Variants in PLEKHM2 observed in about 807,000 individuals in gnomAD.
PLEKHM2 encodes the protein pleckstrin homology domain-containing family M member 2.
In PLEKHM2, 77 loss-of-function variants were observed where a neutral mutation model predicts 116.3. That is an observed-to-expected ratio of 0.66 (90% CI 0.55 to 0.80). The LOEUF is 0.80. Ranked by LOEUF, PLEKHM2 falls within the 30% of genes least tolerant of loss-of-function variation. The probability of loss-of-function intolerance (pLI) is 0.00; values close to 1 mark genes in which losing one functional copy is unlikely to be tolerated. For synonymous variants in PLEKHM2, 562 were observed against 571.0 expected, an observed-to-expected ratio of 0.98 and a Z score of 0.22; for missense variants, 1,183 against 1,354.9, an observed-to-expected ratio of 0.87 and a Z score of 1.99.
chr1:15,728,181 A>G lies in PLEKHM2; in HGVS notation c.1830+33A>G. On this transcript the variant is annotated intron_variant, in intron 10 of 19. Coordinates refer to ENST00000375799, the MANE Select transcript of PLEKHM2 (RefSeq NM_015164.4). The surrounding 1 kb of genome is among the most constrained non-coding windows in gnomAD (Gnocchi z 5.9). Reference sequence around the variant, plus strand: ...CTAGGAACTCAGGAGTGAGCAAGAGACGGCAAGGGCAAGGCGGGATGGGCC... The same window carrying G: ...CTAGGAACTCAGGAGTGAGCAAGAGGCGGCAAGGGCAAGGCGGGATGGGCC... 1 of 1,607,444 alleles carries G rather than the reference A, an allele frequency of 6.2e-7. No homozygotes were observed.
intron 6 of PLEKHM2, chr1:15,720,452 C>T: frequency 1.0e-6 from 1 of 985,288 alleles, no homozygotes; most frequent in Non-Finnish European, 1.2e-6. Flanking sequence ...GGGATGGTCG[C>T]ACCCTTTGCA....
intron 1 of PLEKHM2, among the ~76,000 whole-genome samples, chr1:15,691,558 G>A (rs1012059119): frequency 9.2e-5 from 14 of 152,144 alleles, no homozygotes; most frequent in African/African-American, 2.4e-4. Flanking sequence ...CACCCACTTC[G>A]GTTTGGGCAG....
intron 3 of PLEKHM2, among the ~76,000 whole-genome samples, 158 bp downstream of exon 3, chr1:15,716,974 C>T (rs913254486): frequency 5.3e-5 from 8 of 152,308 alleles, no homozygotes; most frequent in African/African-American, 1.9e-4. Context: ...AGCACCAGGC[C>T]AGGCATGGTG....
chr1:15,696,962 C>T (rs1321187617), intron 1 of PLEKHM2, among the ~76,000 whole-genome samples: 1 of 152,162 alleles, frequency 6.6e-6, no homozygotes, highest in Non-Finnish European at 1.5e-5. Flanking sequence ...CCCAGGATCC[C>T]CCAGCCTAAC....
chr1:15,730,803 G>A (rs1039810573), intron 15 of PLEKHM2, 81 bp downstream of exon 15: 7 of 1,176,006 alleles, frequency 6.0e-6, no homozygotes, highest in South Asian at 1.5e-5. Context: ...GGATCTCTCC[G>A]CAGCAGGTCA....
At chr1:15,732,840 T>C in intron 19 of PLEKHM2, 112 bp downstream of exon 19, 6 of 719,856 alleles carry the variant, frequency 8.3e-6, no homozygotes, top group Non-Finnish European at 1.4e-5. Flanking sequence ...TCCAGGGTCC[T>C]GGGCACAGCC....
At chr1:15,713,916 G>A (rs1641388814) in intron 1 of PLEKHM2, among the ~76,000 whole-genome samples, 1 of 149,152 alleles carries the variant, frequency 6.7e-6, no homozygotes, top group Non-Finnish European at 1.5e-5. Flanking sequence ...GGGATTACAG[G>A]CGTGAGCCAC....
In PLEKHM2 at chr1:15,728,593, T is replaced by C; in HGVS notation, c.1922-76T>C. 2 of 1,308,120 alleles carry C rather than the reference T, an allele frequency of 1.5e-6. No homozygotes were observed. The highest frequency in any genetic ancestry group is 2.2e-6 in the Non-Finnish European group (2 of 923,368). 81.0% of individuals were successfully genotyped at this position (1,308,120 alleles called of 1,614,324 possible). On this transcript the variant is annotated intron_variant, in intron 11 of 19. Transcript: ENST00000375799. This position sits in a 1 kb window ranked among gnomAD's most constrained non-coding sequence, Gnocchi z 5.9. ...GGAGAGGCCCTCTAAGAGAGGGGGC[T>C]GTGTCTAAGAAAATGGGGCAGGGGG...
At chr1:15,720,577 AT>A (rs34045253) in intron 6 of PLEKHM2, 160,966 of 624,402 alleles carry the variant, frequency 0.26, 25,951 homozygotes, top group African/African-American at 0.65. Context: ...AAAACTGGCC[AT>A]TTTCCCCTCT....
intron 1 of PLEKHM2, among the ~76,000 whole-genome samples, chr1:15,713,892 C>T (rs944547907): frequency 2.6e-5 from 4 of 151,146 alleles, no homozygotes; most frequent in Non-Finnish European, 5.9e-5. Flanking sequence ...CCCACCTCGG[C>T]CTCCCAAAGC....
chr1:15,732,792 G>A, intron 19 of PLEKHM2, 64 bp downstream of exon 19: 1 of 1,100,662 alleles, frequency 9.1e-7, no homozygotes, highest in Non-Finnish European at 1.3e-6. Context: ...ACTCCCCGGG[G>A]AGAGGAACCC....
At chr1:15,707,418 G>A (rs1201810259) in intron 1 of PLEKHM2, among the ~76,000 whole-genome samples, 2 of 152,160 alleles carry the variant, frequency 1.3e-5, no homozygotes, top group Admixed American at 6.5e-5. Context: ...AGTGAGACCT[G>A]TTTCTAAAAA....
intron 1 of PLEKHM2, among the ~76,000 whole-genome samples, chr1:15,705,502 G>A (rs1437323568): frequency 1.3e-5 from 2 of 152,018 alleles, no homozygotes; most frequent in Non-Finnish European, 2.9e-5. Context: ...TGTCGGATAG[G>A]TGTTCTGAAC....
rs186632240 is a variant in PLEKHM2, at chr1:15,696,576, C to T, written c.60+11958C>T. On this transcript the variant is annotated intron_variant, in intron 1 of 19. Coordinates refer to ENST00000375799, the MANE Select transcript of PLEKHM2 (RefSeq NM_015164.4). ...ATATTGGTCAGGCTGGTCTCGAACT[C>T]CTGACCTCAGGTGATCCGCCCGCCT... 5.3e-5 allele frequency among the ~76,000 whole-genome samples: 8 copies of T among 152,210 alleles called. No homozygotes were observed. The East Asian group carries it at 1.6e-3, about 29-fold the overall frequency.
chr1:15,704,321 CCTTCCTTT>C (rs1183171677), intron 1 of PLEKHM2, among the ~76,000 whole-genome samples: 1 of 151,636 alleles, frequency 6.6e-6, no homozygotes, highest in Non-Finnish European at 1.5e-5. Flanking sequence ...TCCCTTCCTC[CCTTCCTTT>C]CTTCCTCTTC....
At chr1:15,716,415 T>G in intron 2 of PLEKHM2, 72 bp downstream of exon 2, 1 of 923,240 alleles carries the variant, frequency 1.1e-6, no homozygotes, top group East Asian at 2.6e-5. Flanking sequence ...AGAGAAACCC[T>G]TAGCCTCTCT....
At position 15,719,083 on chromosome 1, in the gene PLEKHM2, T is replaced by A. The variant is rs1641506527; in HGVS notation, c.465+458T>A. 6.6e-6 allele frequency among the ~76,000 whole-genome samples: 1 copy of A among 152,150 alleles called. No individual in the cohort carries two copies. The highest frequency in any genetic ancestry group is 2.1e-4 in the South Asian group (1 of 4,826). On this transcript the variant is annotated intron_variant, in intron 5 of 19. Coordinates refer to ENST00000375799, the MANE Select transcript of PLEKHM2 (RefSeq NM_015164.4). The surrounding 1 kb of genome is among the most constrained non-coding windows in gnomAD (Gnocchi z 4.1). ...TGTACAAATGGGATGCTGGCCCACA[T>A]AGAGCCAAAGAGGCTCCCAGGCACC...
intron 6 of PLEKHM2, among the ~76,000 whole-genome samples, chr1:15,720,149 T>TATAA (rs766169429): frequency 0.031 from 3,641 of 118,568 alleles, 52 homozygotes; most frequent in African/African-American, 0.077. Context: ...TATATATATA[T>TATAA]AAAATATATA....
chr1:15,726,142 G>C (rs2068061546), intron 8 of PLEKHM2, among the ~76,000 whole-genome samples: 2 of 152,232 alleles, frequency 1.3e-5, no homozygotes. Flanking sequence ...CGTTTGCTGG[G>C]TCTGCCTAAG....
Sources: gnomAD v4.1 joint callset for allele counts (sites outside exome capture counted in the v4.1 genomes callset) on GRCh38, gnomAD v4.1.1 for gene constraint, Gnocchi (gnomAD v3.1) non-coding constraint, MANE v1.5 for transcripts, NCBI Gene and HGNC (gene_info 2026-07-23, HGNC 2026-07-21) for gene names.